Variants in SPATS2 observed in about 807,000 individuals in gnomAD.
SPATS2 encodes the protein spermatogenesis-associated serine-rich protein 2.
SPATS2 carries 38 observed loss-of-function variants against 63.7 expected under a neutral mutation model. The observed-to-expected ratio is 0.60, with a 90% CI of 0.46 to 0.78. The LOEUF is 0.78. SPATS2 is among the 30% of genes least tolerant of loss of function. The pLI is 0.00. For synonymous variants in SPATS2, 207 were observed against 232.9 expected, an observed-to-expected ratio of 0.89 and a Z score of 1.01; for missense variants, 588 against 666.2, an observed-to-expected ratio of 0.88 and a Z score of 1.29.
At chr12:49,465,703 G>C (rs2137709793) in intron 3 of SPATS2, among the ~76,000 whole-genome samples, 1 of 152,268 alleles carries the variant, frequency 6.6e-6, no homozygotes, top group South Asian at 2.1e-4. Context: ...CAGCACTTTG[G>C]GAGGCCAAGG....
At chr12:49,524,487 G>A (rs1171840414) in intron 12 of SPATS2, among the ~76,000 whole-genome samples, 195 bp from the exon 13 acceptor site, 1 of 152,250 alleles carries the variant, frequency 6.6e-6, no homozygotes. Context: ...TTACAAAGCA[G>A]TGGGGCTTTG....
Position 49,501,532 on chromosome 12 carries a change from C to T in SPATS2, c.839+1327C>T, listed in dbSNP as rs142256206. ...CGAGCTTTGGGGATCACATTCAAACCATAGCAATATTCTAATGTTTCCTGG... is the reference window on the plus strand; with the variant it reads ...CGAGCTTTGGGGATCACATTCAAACTATAGCAATATTCTAATGTTTCCTGG... On this transcript the variant is annotated intron_variant, in intron 9 of 13. Transcript: ENST00000552918. Among the ~76,000 whole-genome samples, 500 of 152,326 alleles carry T rather than the reference C, an allele frequency of 3.3e-3. 10 individuals carry two copies. The highest frequency in any genetic ancestry group is 0.03 in the Admixed American group (456 of 15,302).
chr12:49,412,403 C>G (rs1721807149), intron 2 of SPATS2, among the ~76,000 whole-genome samples: 1 of 152,006 alleles, frequency 6.6e-6, no homozygotes, highest in African/African-American at 2.4e-5. Flanking sequence ...CCATGTTGGC[C>G]AGGCTGGTCT....
At chr12:49,508,831 AGGCGGGTG>A (rs1946696801) in intron 9 of SPATS2, among the ~76,000 whole-genome samples, 1 of 151,996 alleles carries the variant, frequency 6.6e-6, no homozygotes, top group African/African-American at 2.4e-5. Context: ...TGGGAGGCCA[AGGCGGGTG>A]GATCATCTGA....
At chr12:49,458,159 C>T (rs1288013268) in intron 2 of SPATS2, among the ~76,000 whole-genome samples, 3 of 151,968 alleles carry the variant, frequency 2.0e-5, no homozygotes, top group African/African-American at 4.8e-5. Flanking sequence ...TTCCATAATC[C>T]TTATAATGCT....
intron 9 of SPATS2, among the ~76,000 whole-genome samples, chr12:49,504,334 T>C (rs1175018342): frequency 2.0e-5 from 3 of 152,230 alleles, no homozygotes; most frequent in African/African-American, 7.2e-5. Flanking sequence ...TTCTTCTTAT[T>C]GGTGACTTAG....
At chr12:49,489,422 A>G in intron 4 of SPATS2, 43 bp from the exon 5 acceptor site, 2 of 1,519,460 alleles carry the variant, frequency 1.3e-6, no homozygotes, top group Non-Finnish European at 1.8e-6. Context: ...CTGCCTAGTG[A>G]CCTACTAATG....
At chr12:49,417,564 G>A (rs1944909408) in intron 2 of SPATS2, among the ~76,000 whole-genome samples, 1 of 152,198 alleles carries the variant, frequency 6.6e-6, no homozygotes, top group Admixed American at 6.5e-5. Flanking sequence ...TTCAGAAAAG[G>A]TGATTTATGA....
At chr12:49,410,198 C>G (rs1485898236) in intron 2 of SPATS2, among the ~76,000 whole-genome samples, 1 of 152,002 alleles carries the variant, frequency 6.6e-6, no homozygotes, top group South Asian at 2.1e-4. Context: ...GCCTCAGCCT[C>G]CTGAGTAGCT....
Position 49,526,332 on chromosome 12 carries a change from G to T in SPATS2, c.*77G>T, listed in dbSNP as rs981240256. The T allele has an allele frequency of 6.8e-7, 1 of 1,470,348 alleles. No individual in the cohort carries two copies. The highest frequency in any genetic ancestry group is 9.1e-7 in the Non-Finnish European group (1 of 1,104,166). 91.1% of individuals were successfully genotyped at this position (1,470,348 alleles called of 1,614,324 possible). A position where few individuals can be genotyped will look rare whatever the true frequency, so the allele number is the denominator to read the frequency against. On this transcript the variant is annotated 3_prime_UTR_variant, in exon 14 of 14. Coordinates refer to ENST00000552918, the MANE Select transcript of SPATS2 (RefSeq NM_023071.4). ...CTGGACTTTAGGAAACTTACAGTTA[G>T]ATGTAATAACAAAAAGAAGTTTATG...
At chr12:49,485,580 G>T (rs1032112704) in intron 4 of SPATS2, among the ~76,000 whole-genome samples, 6 of 151,566 alleles carry the variant, frequency 4.0e-5, no homozygotes, top group South Asian at 2.1e-4. Flanking sequence ...CAGGGTGATC[G>T]CAAACTCCTG....
chr12:49,464,627 TAAAAA>T (rs562743662), intron 3 of SPATS2, among the ~76,000 whole-genome samples: 1 of 107,262 alleles, frequency 9.3e-6, no homozygotes, highest in Non-Finnish European at 1.9e-5. Flanking sequence ...AACTCCATCT[TAAAAA>T]AAAAAAAAAA....
chr12:49,478,534 G>T (rs147592860), intron 3 of SPATS2, among the ~76,000 whole-genome samples: 163 of 152,264 alleles, frequency 1.1e-3, no homozygotes, highest in African/African-American at 3.7e-3. Context: ...GCTGTGTTCA[G>T]TCTGAAGGAG....
chr12:49,514,651 A>T, intron 10 of SPATS2, 38 bp downstream of exon 10: 3 of 1,589,934 alleles, frequency 1.9e-6, no homozygotes, highest in Non-Finnish European at 2.6e-6. Context: ...TATTACCTTC[A>T]TAAATAGTAG....
chr12:49,469,327 T>G (rs1483623511), intron 3 of SPATS2, among the ~76,000 whole-genome samples: 1 of 144,388 alleles, frequency 6.9e-6, no homozygotes, highest in Non-Finnish European at 1.5e-5. Context: ...GAGGCGGAGG[T>G]TGCAGTGAGC....
chr12:49,440,681 A>T (rs1260183450), intron 2 of SPATS2, among the ~76,000 whole-genome samples: 1 of 152,014 alleles, frequency 6.6e-6, no homozygotes, highest in Non-Finnish European at 1.5e-5. Context: ...GTTAGCCAGG[A>T]TGGTCTCGAT....
chr12:49,472,611 T>TATA (rs1565739194), intron 3 of SPATS2, among the ~76,000 whole-genome samples: 259 of 145,114 alleles, frequency 1.8e-3, no homozygotes, highest in African/African-American at 5.9e-3. Flanking sequence ...TTTATATATT[T>TATA]TATATATATA....
In SPATS2 at chr12:49,481,974, A is replaced by G. The variant is rs547120400; in HGVS notation, c.26-2616A>G. ...TAGGTAAATCTTAAGCTTTCTTTTC[A>G]TGAAAAAATAAGTTTAAAAATCACT... On this transcript the variant is annotated intron_variant, in intron 3 of 13. Transcript: ENST00000552918. Among the ~76,000 whole-genome samples, 5 of 152,312 alleles carry G rather than the reference A, an allele frequency of 3.3e-5. No homozygotes were observed. The South Asian group carries it at 8.3e-4, about 25-fold the overall frequency.
intron 2 of SPATS2, among the ~76,000 whole-genome samples, chr12:49,374,367 G>A (rs759362484): frequency 1.3e-5 from 2 of 152,038 alleles, no homozygotes; most frequent in African/African-American, 2.4e-5. Flanking sequence ...GGGTTCAAGC[G>A]ATCCTCCTGC....
Sources: gnomAD v4.1 joint callset for allele counts (sites outside exome capture counted in the v4.1 genomes callset) on GRCh38, gnomAD v4.1.1 for gene constraint, MANE v1.5 for transcripts, NCBI Gene and HGNC (gene_info 2026-07-23, HGNC 2026-07-21) for gene names.